TMEM179: variants seen among roughly 807,000 people sequenced by gnomAD.
The protein encoded by TMEM179 is transmembrane protein 179A.
TMEM179 carries 17 observed loss-of-function variants against 22.2 expected under a neutral mutation model. The observed-to-expected ratio is 0.77, with a 90% CI of 0.52 to 1.15. The LOEUF is 1.15. TMEM179 is among the 50% of genes most tolerant of loss of function. The probability of loss-of-function intolerance (pLI) is 0.00; values close to 1 mark genes in which losing one functional copy is unlikely to be tolerated. For synonymous variants in TMEM179, 127 were observed against 140.5 expected (o/e 0.90, Z 0.68); for missense variants, 265 against 313.6 (o/e 0.84, Z 1.17).
At chr14:104,599,870 C>T (rs1041221584) in intron 1 of TMEM179, among the ~76,000 whole-genome samples, 24 of 152,156 alleles carry the variant, frequency 1.6e-4, no homozygotes, top group African/African-American at 4.8e-4. Context: ...ACCTGAGATA[C>T]GGCAGAGGCT....
rs1171430414 is a variant in TMEM179, at chr14:104,593,571, G to C, written c.610C>G (p.Leu204Val). The C allele has an allele frequency of 2.0e-6, 3 of 1,531,914 alleles. No homozygotes were observed. The Admixed American group carries it at 5.9e-5, about 30-fold the overall frequency. 94.9% of individuals were successfully genotyped at this position (1,531,914 alleles called of 1,614,324 possible). ...KVYHNYRQEDLLDSLIHEKEL... is the reference protein window; with the variant it reads ...KVYHNYRQEDVLDSLIHEKEL... ...TTCTCGTGGATCAGGCTGTCCAGCAGGTCCTCCTGACGGTAGTTGTGGTAG... is the reference window on the plus strand; with the variant it reads ...TTCTCGTGGATCAGGCTGTCCAGCACGTCCTCCTGACGGTAGTTGTGGTAG... The change falls in exon 4 of 4, where the codon CTG (leucine) becomes GTG (valine). Residue 204 changes from leucine to valine, a missense_variant. Coordinates refer to ENST00000556573, the MANE Select transcript of TMEM179 (RefSeq NM_001286389.2).
At chr14:104,594,344 A>T in intron 3 of TMEM179, 1 of 1,231,724 alleles carries the variant, frequency 8.1e-7, no homozygotes, top group Non-Finnish European at 1.0e-6. Context: ...TCCTCAGGCC[A>T]GCCACGGCCA....
Position 104,591,085 on chromosome 14 carries a change from C to T in TMEM179, c.*2394G>A. The T allele has an allele frequency of 3.3e-6, 1 of 299,180 alleles. No homozygotes were observed. The highest frequency in any genetic ancestry group is 6.5e-6 in the Non-Finnish European group (1 of 153,804). The allele number at this position is 299,180 out of a possible 1,614,324, so 18.5% of individuals were successfully genotyped here. On this transcript the variant is annotated 3_prime_UTR_variant, in exon 4 of 4. Transcript: ENST00000556573. ...CCACGACCAGGGCCGCCAGCCCCTG[C>T]CCAGCACACTGCAGGCCCAGCTGCC... is the stretch of plus-strand genomic sequence containing the variant.
Position 104,591,121 on chromosome 14 carries a change from G to A in TMEM179, c.*2358C>T. On this transcript the variant is annotated 3_prime_UTR_variant, in exon 4 of 4. Transcript: ENST00000556573. ...GCAGGCCCAGCTGCCCCTTCCCAGG[G>A]CGATGTGTCTGGGCTCCGGAGACAG... 6.2e-6 allele frequency: 2 copies of A among 324,754 alleles called. No homozygotes were observed. The highest frequency in any genetic ancestry group is 2.3e-5 in the South Asian group (1 of 44,042). The allele number at this position is 324,754 out of a possible 1,614,324, so 20.1% of individuals were successfully genotyped here.
chr14:104,599,864 G>A (rs944200795), intron 1 of TMEM179, among the ~76,000 whole-genome samples: 5 of 152,116 alleles, frequency 3.3e-5, no homozygotes, highest in Non-Finnish European at 7.4e-5. Context: ...CAGTGCACCT[G>A]AGATACGGCA....
Position 104,604,011 on chromosome 14 carries a change from G to C in TMEM179, c.305+426C>G, listed in dbSNP as rs868358164. Among the ~76,000 whole-genome samples the C allele has an allele frequency of 6.6e-6, 1 of 152,206 alleles. No homozygotes were observed. The highest frequency in any genetic ancestry group is 2.1e-4 in the South Asian group (1 of 4,836). On this transcript the variant is annotated intron_variant, in intron 1 of 3. Transcript: ENST00000556573. This position sits in a 1 kb window ranked among gnomAD's most constrained non-coding sequence, Gnocchi z 4.6. ...TCCCGGGGCGATGGTGCCGGGTGGG[G>C]CTCCCCAGTTCGCCTTGTCACTGGG...
Position 104,604,732 on chromosome 14 carries a change from T to C in TMEM179, c.10A>G (p.Asn4Asp). MAL[N>D]NFLFAQCACY... is the part of the protein sequence containing the mutation. The stretch of plus-strand genomic sequence containing the variant: ...GCGCACTGAGCGAAAAGGAAATTGT[T>C]GAGCGCCATGGCCGGCCCGGGCGAG... The change falls in exon 1 of 4, where the codon AAC (asparagine) becomes GAC (aspartate). Residue 4 changes from asparagine to aspartate, a missense_variant. Coordinates refer to ENST00000556573, the MANE Select transcript of TMEM179 (RefSeq NM_001286389.2). The surrounding 1 kb of genome is among the most constrained non-coding windows in gnomAD (Gnocchi z 4.6). The C allele has an allele frequency of 6.4e-7, 1 of 1,568,992 alleles. No homozygotes were observed. Among genetic ancestry groups the C allele is most frequent in the South Asian group, 1.2e-5 (1 of 86,930 alleles).
chr14:104,594,917 T>G, intron 3 of TMEM179: 2 of 1,116,674 alleles, frequency 1.8e-6, no homozygotes, highest in Admixed American at 5.0e-5. Flanking sequence ...CCCCAGGGCC[T>G]TGCCACTTCC....
chr14:104,596,596 C>T (rs1887029207), intron 2 of TMEM179, among the ~76,000 whole-genome samples: 1 of 152,318 alleles, frequency 6.6e-6, no homozygotes, highest in African/African-American at 2.4e-5. Context: ...ACAGAAGCCC[C>T]ACAGTCTCCG....
chr14:104,603,427 C>A (rs1887303502), intron 1 of TMEM179, among the ~76,000 whole-genome samples: 2 of 152,022 alleles, frequency 1.3e-5, no homozygotes, highest in South Asian at 4.1e-4. Flanking sequence ...TCTCCCGGAA[C>A]CTCTACAGGA....
chr14:104,594,875 T>TCCCC, intron 3 of TMEM179: 1 of 1,298,834 alleles, frequency 7.7e-7, no homozygotes, highest in Non-Finnish European at 9.8e-7. Context: ...TGGCACCACC[T>TCCCC]CCCCCCACAC....
chr14:104,598,474 C>T (rs1887117870), intron 1 of TMEM179, among the ~76,000 whole-genome samples: 1 of 152,236 alleles, frequency 6.6e-6, no homozygotes, highest in Non-Finnish European at 1.5e-5. Flanking sequence ...TCAACGCTAC[C>T]GTCATCCGAA....
intron 3 of TMEM179, chr14:104,594,766 C>T (rs578261639): frequency 8.7e-7 from 1 of 1,153,284 alleles, no homozygotes; most frequent in African/African-American, 1.6e-5. Flanking sequence ...CTCTAAGCCT[C>T]CAGCTCTGAT....
At chr14:104,599,793 C>T (rs1396264799) in intron 1 of TMEM179, among the ~76,000 whole-genome samples, 1 of 152,106 alleles carries the variant, frequency 6.6e-6, no homozygotes, top group Admixed American at 6.5e-5. Flanking sequence ...GAAGGAGACG[C>T]ACTCTGAAGA....
intron 1 of TMEM179, among the ~76,000 whole-genome samples, chr14:104,601,837 C>T (rs1347812341): frequency 6.6e-6 from 1 of 152,140 alleles, no homozygotes; most frequent in Admixed American, 6.5e-5. Flanking sequence ...GGGGTCAAGG[C>T]CATGGTGAGC....
chr14:104,593,300 G>A lies in TMEM179; in HGVS notation c.*179C>T. 1 of 717,112 alleles carries A rather than the reference G, an allele frequency of 1.4e-6. No individual in the cohort carries two copies. Among genetic ancestry groups the A allele is most frequent in the Middle Eastern group, 2.5e-4 (1 of 4,042 alleles). The allele number at this position is 717,112 out of a possible 1,614,324, so 44.4% of individuals were successfully genotyped here. A position where few individuals can be genotyped will look rare whatever the true frequency, so the allele number is the denominator to read the frequency against. On this transcript the variant is annotated 3_prime_UTR_variant, in exon 4 of 4. Transcript: ENST00000556573. ...GGAGCCGGCACCCACCCAGTCCACT[G>A]CCAGGCTCACAGGTGGGCACTGGGG... is the stretch of plus-strand genomic sequence containing the variant.
intron 2 of TMEM179, among the ~76,000 whole-genome samples, chr14:104,596,699 G>A (rs945433543): frequency 1.3e-5 from 2 of 152,318 alleles, no homozygotes; most frequent in South Asian, 2.1e-4. Flanking sequence ...GGCAGCCAGA[G>A]TCCCTGACCA....
Position 104,597,229 on chromosome 14 carries a change from C to A in TMEM179, c.306-102G>T. Reference sequence around the variant, plus strand: ...AAACAGGAGGGGCAGGCTCACTGGACGCCATCTCCTGGGCAACCCCCACCA... The same window carrying A: ...AAACAGGAGGGGCAGGCTCACTGGAAGCCATCTCCTGGGCAACCCCCACCA... On this transcript the variant is annotated intron_variant, in intron 1 of 3. Coordinates refer to ENST00000556573, the MANE Select transcript of TMEM179 (RefSeq NM_001286389.2). The surrounding 1 kb of genome is among the most constrained non-coding windows in gnomAD (Gnocchi z 4.8). 1 of 1,455,114 alleles carries A rather than the reference C, an allele frequency of 6.9e-7. No individual in the cohort carries two copies. Among genetic ancestry groups the A allele is most frequent in the Non-Finnish European group, 9.1e-7 (1 of 1,096,028 alleles). 90.1% of individuals were successfully genotyped at this position (1,455,114 alleles called of 1,614,324 possible).
intron 1 of TMEM179, among the ~76,000 whole-genome samples, chr14:104,598,222 GA>G (rs1306764228): frequency 1.3e-5 from 2 of 152,194 alleles, no homozygotes; most frequent in African/African-American, 4.8e-5. Flanking sequence ...GGGGTAGGGA[GA>G]GGGGGTAGGG....
Sources: gnomAD v4.1 joint callset for allele counts (sites outside exome capture counted in the v4.1 genomes callset) on GRCh38, gnomAD v4.1.1 for gene constraint, Gnocchi (gnomAD v3.1) non-coding constraint, MANE v1.5 for transcripts, NCBI Gene and HGNC (gene_info 2026-07-23, HGNC 2026-07-21) for gene names.